Variants in NUDT3 observed in about 807,000 individuals in gnomAD.
The protein encoded by NUDT3 is diphosphoinositol polyphosphate phosphohydrolase 1.
A neutral mutation model predicts 23.6 loss-of-function variants in NUDT3; 9 were observed. The ratio of observed to expected loss-of-function variants is 0.38; its 90% CI spans 0.23 to 0.66. The LOEUF (loss-of-function observed/expected upper bound fraction) is 0.66. NUDT3 is among the 30% of genes least tolerant of loss of function. The probability of loss-of-function intolerance (pLI) is 0.52; values close to 1 mark genes in which losing one functional copy is unlikely to be tolerated. For missense variants in NUDT3, 172 were observed against 218.5 expected (o/e 0.79, Z 1.34); for synonymous variants, 86 against 82.6 (o/e 1.04, Z -0.22).
chr6:34,345,246 C>T, intron 1 of NUDT3, among the ~76,000 whole-genome samples: 1 of 148,718 alleles, frequency 6.7e-6, no homozygotes, highest in South Asian at 2.3e-4. Context: ...GACGGGGTTT[C>T]ACCGTGTTGG....
At position 34,282,074 on chromosome 6, in the gene NUDT3, C is replaced by T. The variant is rs937577014; in HGVS notation, c.*6679G>A. 2 of 152,232 alleles carry T rather than the reference C, an allele frequency of 1.3e-5. No homozygotes were observed. Among genetic ancestry groups the T allele is most frequent in the African/African-American group, 4.8e-5 (2 of 41,430 alleles). 9.4% of individuals were successfully genotyped at this position (152,232 alleles called of 1,614,324 possible). A position where few individuals can be genotyped will look rare whatever the true frequency, so the allele number is the denominator to read the frequency against. On this transcript the variant is annotated 3_prime_UTR_variant, in exon 5 of 5. Transcript: ENST00000607016. ...TGGGTGTCTCCATAATCAGCCTCTA[C>T]CTTCCCTGGCATAAGTCATATCTGT...
intron 1 of NUDT3, among the ~76,000 whole-genome samples, chr6:34,373,097 G>A (rs1764859437): frequency 6.6e-6 from 1 of 151,750 alleles, no homozygotes; most frequent in African/African-American, 2.4e-5. Flanking sequence ...GGCTAACATG[G>A]TGAAACCCCA....
chr6:34,329,243 T>A (rs1764089457), intron 2 of NUDT3, among the ~76,000 whole-genome samples: 1 of 152,156 alleles, frequency 6.6e-6, no homozygotes, highest in Non-Finnish European at 1.5e-5. Context: ...TATACATAGA[T>A]ATACACACAT....
chr6:34,291,790 A>T (rs1029682376), intron 4 of NUDT3, among the ~76,000 whole-genome samples: 34 of 152,190 alleles, frequency 2.2e-4, no homozygotes, highest in African/African-American at 8.2e-4. Flanking sequence ...GGCGTGAGCC[A>T]CTGCAACTGC....
chr6:34,326,194 G>A (rs1357559536), intron 2 of NUDT3, among the ~76,000 whole-genome samples: 1 of 151,852 alleles, frequency 6.6e-6, no homozygotes, highest in Non-Finnish European at 1.5e-5. Flanking sequence ...GGTCTCTCCT[G>A]ACTTTTTACA....
intron 2 of NUDT3, among the ~76,000 whole-genome samples, chr6:34,313,753 G>C (rs897127395): frequency 1.7e-4 from 25 of 151,482 alleles, no homozygotes; most frequent in African/African-American, 6.1e-4. Context: ...ACGAGGTCAG[G>C]AGATCGAGAC....
chr6:34,314,153 T>C (rs1190037496), intron 2 of NUDT3, among the ~76,000 whole-genome samples: 1 of 151,154 alleles, frequency 6.6e-6, no homozygotes, highest in Non-Finnish European at 1.5e-5. Context: ...CTGGGGGCGG[T>C]GGCTCATGCC....
chr6:34,302,195 CTTTT>C (rs759027677), intron 2 of NUDT3, among the ~76,000 whole-genome samples: 5 of 141,094 alleles, frequency 3.5e-5, no homozygotes, highest in Non-Finnish European at 7.8e-5. Context: ...TCACAACTGG[CTTTT>C]TTTTTTTTTT....
chr6:34,326,448 C>T (rs1764031520), intron 2 of NUDT3, among the ~76,000 whole-genome samples: 1 of 152,140 alleles, frequency 6.6e-6, no homozygotes, highest in Non-Finnish European at 1.5e-5. Flanking sequence ...TTAACACATA[C>T]TTTGGTTGTT....
chr6:34,372,142 A>G (rs1764841944), intron 1 of NUDT3, among the ~76,000 whole-genome samples: 2 of 152,098 alleles, frequency 1.3e-5, no homozygotes, highest in Admixed American at 1.3e-4. Flanking sequence ...CCAGTCTATC[A>G]CTGATAGACA....
chr6:34,361,183 T>G (rs970851653), intron 1 of NUDT3, among the ~76,000 whole-genome samples: 1 of 152,136 alleles, frequency 6.6e-6, no homozygotes, highest in African/African-American at 2.4e-5. Flanking sequence ...ATCACACCAC[T>G]GGCACTCTAG....
intron 2 of NUDT3, among the ~76,000 whole-genome samples, chr6:34,323,595 AAAG>A (rs1289282140): frequency 1.3e-5 from 2 of 152,098 alleles, no homozygotes; most frequent in Non-Finnish European, 2.9e-5. Context: ...AACAAGAAAC[AAAG>A]AAGAGAAGCG....
In NUDT3 at chr6:34,381,146, A is replaced by G. The variant is rs150697885; in HGVS notation, c.99+11118T>C. On this transcript the variant is annotated intron_variant, in intron 1 of 4. Coordinates refer to ENST00000607016, the MANE Select transcript of NUDT3 (RefSeq NM_006703.4). ...ATCCTCCCATCACAGCCTCCCAAGT[A>G]GCTAGGACCACAGGCGCACACCACC... Among the ~76,000 whole-genome samples the G allele has an allele frequency of 6.4e-4, 98 of 152,222 alleles. 1 individual carries two copies. The highest frequency in any genetic ancestry group is 1.3e-3 in the Non-Finnish European group (89 of 68,020).
intron 2 of NUDT3, among the ~76,000 whole-genome samples, chr6:34,317,078 G>T (rs1763872963): frequency 6.6e-6 from 1 of 152,070 alleles, no homozygotes; most frequent in Non-Finnish European, 1.5e-5. Context: ...CTAGATATTA[G>T]GTGTAAGAAA....
intron 2 of NUDT3, among the ~76,000 whole-genome samples, chr6:34,314,595 G>T (rs1409482290): frequency 2.0e-5 from 3 of 150,320 alleles, no homozygotes; most frequent in Non-Finnish European, 4.4e-5. Flanking sequence ...AATGCCAAAA[G>T]TAGTTTCTTT....
At chr6:34,367,684 G>A (rs1234389094) in intron 1 of NUDT3, among the ~76,000 whole-genome samples, 1 of 152,092 alleles carries the variant, frequency 6.6e-6, no homozygotes, top group Non-Finnish European at 1.5e-5. Flanking sequence ...ACTTTCCAAT[G>A]CACTTATACA....
At chr6:34,370,802 C>G (rs1334734069) in intron 1 of NUDT3, among the ~76,000 whole-genome samples, 1 of 152,124 alleles carries the variant, frequency 6.6e-6, no homozygotes, top group Admixed American at 6.6e-5. Flanking sequence ...ATAAAAAATG[C>G]ATTAAAAATG....
chr6:34,352,619 T>C (rs1764495106), intron 1 of NUDT3, among the ~76,000 whole-genome samples: 2 of 152,208 alleles, frequency 1.3e-5, no homozygotes, highest in South Asian at 2.1e-4. Flanking sequence ...TACCAAATGA[T>C]AGCCTCCATA....
At position 34,283,755 on chromosome 6, in the gene NUDT3, C is replaced by T. The variant is rs1763305032; in HGVS notation, c.*4998G>A. The T allele has an allele frequency of 6.6e-6, 1 of 152,236 alleles. No individual in the cohort carries two copies. The highest frequency in any genetic ancestry group is 1.5e-5 in the Non-Finnish European group (1 of 68,048). 9.4% of individuals were successfully genotyped at this position (152,236 alleles called of 1,614,324 possible). On this transcript the variant is annotated 3_prime_UTR_variant, in exon 5 of 5. Coordinates refer to ENST00000607016, the MANE Select transcript of NUDT3 (RefSeq NM_006703.4). ...CCTAAACTCTCTGGGCTCCCAGGACCTGTGGTGACCTCAAGCTAACCTGAT... is the reference window on the plus strand; with the variant it reads ...CCTAAACTCTCTGGGCTCCCAGGACTTGTGGTGACCTCAAGCTAACCTGAT...
Sources: gnomAD v4.1 joint callset for allele counts (sites outside exome capture counted in the v4.1 genomes callset) on GRCh38, gnomAD v4.1.1 for gene constraint, MANE v1.5 for transcripts, NCBI Gene and HGNC (gene_info 2026-07-23, HGNC 2026-07-21) for gene names.